NAP1L4: variants seen among roughly 807,000 people sequenced by gnomAD.
NAP1L4 encodes the protein nucleosome assembly protein 1-like 4.
A neutral mutation model predicts 58.2 loss-of-function variants in NAP1L4; 15 were observed. The observed-to-expected ratio is 0.26, with a 90% CI of 0.17 to 0.40. NAP1L4 has a LOEUF of 0.40. NAP1L4 is among the 10% of genes least tolerant of loss of function. NAP1L4 has a pLI of 1.00. For missense variants in NAP1L4, 384 were observed against 451.1 expected, an observed-to-expected ratio of 0.85 and a Z score of 1.35; for synonymous variants, 171 against 155.6, an observed-to-expected ratio of 1.10 and a Z score of -0.74.
In NAP1L4 at chr11:2,954,672, A is replaced by C; in HGVS notation, c.916-26T>G. 2 of 1,614,080 alleles carry C rather than the reference A, an allele frequency of 1.2e-6. No individual in the cohort carries two copies. Among genetic ancestry groups the C allele is most frequent in the Non-Finnish European group, 1.7e-6 (2 of 1,179,966 alleles). On this transcript the variant is annotated intron_variant, in intron 11 of 15. Transcript: ENST00000380542. This position sits in a 1 kb window ranked among gnomAD's most constrained non-coding sequence, Gnocchi z 4.8. ...CTGAGGAGGAAAAACCTACGTGTTAACTCATTTTAATGGGATAAAAACATT... is the reference window on the plus strand; with the variant it reads ...CTGAGGAGGAAAAACCTACGTGTTACCTCATTTTAATGGGATAAAAACATT...
chr11:2,947,814 T>C (rs1195664731), intron 15 of NAP1L4, among the ~76,000 whole-genome samples: 1 of 152,152 alleles, frequency 6.6e-6, no homozygotes, highest in Non-Finnish European at 1.5e-5. Flanking sequence ...TTTGAACAGA[T>C]AACACTCGAC....
chr11:2,971,178 G>C lies in NAP1L4; in HGVS notation c.402+270C>G, dbSNP rs562125921. ...TCTCTTCTTCATCTTTGCTTTCTCTGATGTTTTAATCTTTGTTGGTCTGAT... is the reference window on the plus strand; with the variant it reads ...TCTCTTCTTCATCTTTGCTTTCTCTCATGTTTTAATCTTTGTTGGTCTGAT... On this transcript the variant is annotated intron_variant, in intron 6 of 15. Transcript: ENST00000380542. This position sits in a 1 kb window ranked among gnomAD's most constrained non-coding sequence, Gnocchi z 4.2. Among the ~76,000 whole-genome samples, 5 of 152,164 alleles carry C rather than the reference G, an allele frequency of 3.3e-5. No individual in the cohort carries two copies. The highest frequency in any genetic ancestry group is 9.7e-5 in the African/African-American group (4 of 41,416).
At chr11:2,952,113 G>A (rs976130668) in intron 12 of NAP1L4, 5 of 457,180 alleles carry the variant, frequency 1.1e-5, no homozygotes, top group South Asian at 7.1e-5. Flanking sequence ...TTCTCACACC[G>A]AGGAGCAGGC....
In NAP1L4 at chr11:2,955,836, G is replaced by A; in HGVS notation, c.893-70C>T. 4 of 1,403,902 alleles carry A rather than the reference G, an allele frequency of 2.8e-6. No homozygotes were observed. The highest frequency in any genetic ancestry group is 4.0e-6 in the Non-Finnish European group (4 of 997,726). 87.0% of individuals were successfully genotyped at this position (1,403,902 alleles called of 1,614,324 possible). A position where few individuals can be genotyped will look rare whatever the true frequency, so the allele number is the denominator to read the frequency against. On this transcript the variant is annotated intron_variant, in intron 10 of 15. Transcript: ENST00000380542. The surrounding 1 kb of genome is among the most constrained non-coding windows in gnomAD (Gnocchi z 4.2). ...TCCCAGAATTTTAAAGCCCACACAG[G>A]AGGAAGCTGTGCTGGTAGATAAAAT...
At chr11:2,963,431 TC>T (rs1847066757) in intron 8 of NAP1L4, among the ~76,000 whole-genome samples, 2 of 152,064 alleles carry the variant, frequency 1.3e-5, no homozygotes, top group Admixed American at 6.5e-5. Flanking sequence ...AGATGGGGTA[TC>T]CCCTCTGGAG....
intron 7 of NAP1L4, among the ~76,000 whole-genome samples, chr11:2,969,259 G>C (rs921177684): frequency 6.6e-6 from 1 of 152,024 alleles, no homozygotes; most frequent in Admixed American, 6.6e-5. Context: ...CTACAGACAT[G>C]AGCCACCATG....
intron 1 of NAP1L4, among the ~76,000 whole-genome samples, chr11:2,986,456 C>T (rs1258501601): frequency 6.6e-6 from 1 of 151,838 alleles, no homozygotes; most frequent in Non-Finnish European, 1.5e-5. Flanking sequence ...TCGTACTCCC[C>T]AAAACTTTTA....
chr11:2,983,392 C>G (rs1157470546), intron 1 of NAP1L4, among the ~76,000 whole-genome samples: 1 of 152,050 alleles, frequency 6.6e-6, no homozygotes, highest in Non-Finnish European at 1.5e-5. Flanking sequence ...CACTCTGTTA[C>G]CCAGGCTAGA....
In NAP1L4 at chr11:2,959,537, G is replaced by A. The variant is rs1181193762; in HGVS notation, c.746+233C>T. Among the ~76,000 whole-genome samples the A allele has an allele frequency of 6.6e-6, 1 of 152,152 alleles. No individual in the cohort carries two copies. The highest frequency in any genetic ancestry group is 1.5e-5 in the Non-Finnish European group (1 of 68,032). ...GAAGAAACAGGGCACTATCCCAAAG[G>A]CTTGCATGTGCAACCACGTGACTCA... On this transcript the variant is annotated intron_variant, in intron 9 of 15. Coordinates refer to ENST00000380542, the MANE Select transcript of NAP1L4 (RefSeq NM_005969.4). This position sits in a 1 kb window ranked among gnomAD's most constrained non-coding sequence, Gnocchi z 4.9.
At chr11:2,985,966 G>A (rs1457165772) in intron 1 of NAP1L4, among the ~76,000 whole-genome samples, 1 of 152,016 alleles carries the variant, frequency 6.6e-6, no homozygotes, top group East Asian at 1.9e-4. Context: ...TAATTTCTTT[G>A]TACCCCAAAC....
Position 2,946,630 on chromosome 11 carries a change from G to A in NAP1L4, c.*33-984C>T, listed in dbSNP as rs1339882020. 6.6e-6 allele frequency among the ~76,000 whole-genome samples: 1 copy of A among 152,152 alleles called. No homozygotes were observed. The highest frequency in any genetic ancestry group is 1.5e-5 in the Non-Finnish European group (1 of 68,032). On this transcript the variant is annotated intron_variant, in intron 15 of 15. Coordinates refer to ENST00000380542, the MANE Select transcript of NAP1L4 (RefSeq NM_005969.4). The surrounding 1 kb of genome is among the most constrained non-coding windows in gnomAD (Gnocchi z 4.8). ...GATATCTTCCACAGTATAAGCTGAG[G>A]CTACAGTTCATTCTTTTGGAAATCA...
rs1383023727 is a variant in NAP1L4 at position 2,955,854 on chromosome 11, G to A, written c.893-88C>T. 3 of 1,228,136 alleles carry A rather than the reference G, an allele frequency of 2.4e-6. No individual in the cohort carries two copies. The highest frequency in any genetic ancestry group is 1.9e-4 in the Middle Eastern group (1 of 5,186). 76.1% of individuals were successfully genotyped at this position (1,228,136 alleles called of 1,614,324 possible). On this transcript the variant is annotated intron_variant, in intron 10 of 15. Transcript: ENST00000380542. The surrounding 1 kb of genome is among the most constrained non-coding windows in gnomAD (Gnocchi z 4.2). The stretch of plus-strand genomic sequence containing the variant: ...CACACAGGAGGAAGCTGTGCTGGTA[G>A]ATAAAATGTAACATTTCTCACCTCG...
At position 2,980,256 on chromosome 11, in the gene NAP1L4, T is replaced by C. The variant is rs560176050; in HGVS notation, c.-17-1019A>G. Among the ~76,000 whole-genome samples the C allele has an allele frequency of 4.6e-5, 7 of 152,320 alleles. No individual in the cohort carries two copies. The South Asian group carries it at 1.4e-3, about 32-fold the overall frequency. ...AGGCTGCAGTGTAGTGATGCAATCC[T>C]GGCTCACTGCAGCCTCAACTTACTG... On this transcript the variant is annotated intron_variant, in intron 1 of 15. Coordinates refer to ENST00000380542, the MANE Select transcript of NAP1L4 (RefSeq NM_005969.4).
In NAP1L4 at chr11:2,945,326, C is replaced by A. The variant is rs1380575470; in HGVS notation, c.*353G>T. ...CCCACCCTGATGTGGTCTACAGGGC[C>A]CTCCCACAGGGAAAGGCCCAGGGAA... On this transcript the variant is annotated 3_prime_UTR_variant, in exon 16 of 16. Coordinates refer to ENST00000380542, the MANE Select transcript of NAP1L4 (RefSeq NM_005969.4). The A allele has an allele frequency of 2.3e-5, 9 of 386,616 alleles. No individual in the cohort carries two copies. Among genetic ancestry groups the A allele is most frequent in the Non-Finnish European group, 4.7e-6 (1 of 215,036 alleles). 23.9% of individuals were successfully genotyped at this position (386,616 alleles called of 1,614,324 possible). A position where few individuals can be genotyped will look rare whatever the true frequency, so the allele number is the denominator to read the frequency against.
At chr11:2,980,270 C>T (rs1405955810) in intron 1 of NAP1L4, among the ~76,000 whole-genome samples, 1 of 152,224 alleles carries the variant, frequency 6.6e-6, no homozygotes, top group Non-Finnish European at 1.5e-5. Context: ...TCACTGCAGC[C>T]TCAACTTACT....
At chr11:2,979,330 TCCA>T in intron 1 of NAP1L4, 93 bp from the exon 2 acceptor site, 1 of 1,081,206 alleles carries the variant, frequency 9.2e-7, no homozygotes. Flanking sequence ...TGGGATGGAG[TCCA>T]CTAGAAGGGA....
At chr11:2,960,088 T>C (rs1846777199) in intron 8 of NAP1L4, 179 bp from the exon 9 acceptor site, 1 of 611,284 alleles carries the variant, frequency 1.6e-6, no homozygotes. Flanking sequence ...AAACCAACGA[T>C]GGACTGGCGG....
intron 1 of NAP1L4, chr11:2,991,225 C>T (rs1380103393): frequency 2.3e-6 from 1 of 435,756 alleles, no homozygotes; most frequent in Non-Finnish European, 4.7e-6. Flanking sequence ...AACATGTCTG[C>T]CTCCTGCCCC....
At chr11:2,953,348 T>C (rs1323946728) in intron 12 of NAP1L4, among the ~76,000 whole-genome samples, 6 of 152,250 alleles carry the variant, frequency 3.9e-5, no homozygotes, top group African/African-American at 1.4e-4. Flanking sequence ...AGCTTTCCAA[T>C]GTGTAGCCAC....
Sources: allele counts gnomAD v4.1 joint callset (sites outside exome capture counted in the v4.1 genomes callset), GRCh38; gene constraint gnomAD v4.1.1; non-coding constraint Gnocchi (gnomAD v3.1); transcripts MANE v1.5; gene names NCBI Gene and HGNC (gene_info 2026-07-23, HGNC 2026-07-21).